Variants in SLC17A5 observed in about 807,000 individuals in gnomAD.
The protein encoded by SLC17A5 is solute carrier family 17 member 5, also known as sialin.
Under a neutral mutation model 59.4 loss-of-function variants are expected in SLC17A5, and 47 were observed. That is an observed-to-expected ratio of 0.79 (90% CI 0.63 to 1.01). SLC17A5 has a LOEUF of 1.01. SLC17A5 is among the 50% of genes least tolerant of loss of function. SLC17A5 has a pLI of 0.00. For synonymous variants in SLC17A5, 202 were observed against 210.7 expected, an observed-to-expected ratio of 0.96 and a Z score of 0.36; for missense variants, 522 against 595.5, an observed-to-expected ratio of 0.88 and a Z score of 1.28.
intron 1 of SLC17A5, among the ~76,000 whole-genome samples, chr6:73,645,858 G>A (rs1357724344): frequency 6.6e-6 from 1 of 151,616 alleles, no homozygotes; most frequent in Non-Finnish European, 1.5e-5. Flanking sequence ...TCATGTGAGA[G>A]GAGGAGTTTG....
At chr6:73,601,067 T>C (rs1270462092) in intron 9 of SLC17A5, among the ~76,000 whole-genome samples, 1 of 148,478 alleles carries the variant, frequency 6.7e-6, no homozygotes, top group Non-Finnish European at 1.5e-5. Flanking sequence ...GGAGCGTCTC[T>C]GCCCGGCCGC....
At chr6:73,625,314 G>T (rs1768355171) in intron 6 of SLC17A5, among the ~76,000 whole-genome samples, 1 of 152,028 alleles carries the variant, frequency 6.6e-6, no homozygotes, top group South Asian at 2.1e-4. Context: ...AGCCTCCCGA[G>T]TAGCTGGGAT....
chr6:73,645,547 G>A (rs1769499490), intron 1 of SLC17A5: 1 of 948,196 alleles, frequency 1.1e-6, no homozygotes, highest in African/African-American at 1.8e-5. Flanking sequence ...AGCACTTTGG[G>A]AAGCCGAGGC....
At chr6:73,603,084 ATGT>A (rs1362284918) in intron 9 of SLC17A5, among the ~76,000 whole-genome samples, 1 of 152,142 alleles carries the variant, frequency 6.6e-6, no homozygotes, top group Non-Finnish European at 1.5e-5. Context: ...TATTTCTAGT[ATGT>A]TATTATAGAC....
At chr6:73,622,283 T>C (rs983484725) in intron 6 of SLC17A5, among the ~76,000 whole-genome samples, 1 of 149,974 alleles carries the variant, frequency 6.7e-6, no homozygotes, top group Admixed American at 6.7e-5. Flanking sequence ...CATTGATTTA[T>C]CTATTTCTTT....
At chr6:73,636,368 T>G (rs1342750288) in intron 5 of SLC17A5, among the ~76,000 whole-genome samples, 1 of 108,450 alleles carries the variant, frequency 9.2e-6, no homozygotes, top group East Asian at 2.8e-4. Context: ...AAGATAGTGA[T>G]TTTTTGATAG....
At chr6:73,596,977 ATGGCGAGACCC>A (rs1402827155) in intron 10 of SLC17A5, among the ~76,000 whole-genome samples, 1 of 150,648 alleles carries the variant, frequency 6.6e-6, no homozygotes, top group African/African-American at 2.4e-5. Context: ...CCTGGCCAAC[ATGGCGAGACCC>A]TGTCCCTACT....
At chr6:73,607,088 A>C (rs1330648833) in intron 9 of SLC17A5, among the ~76,000 whole-genome samples, 1 of 152,202 alleles carries the variant, frequency 6.6e-6, no homozygotes, top group East Asian at 1.9e-4. Context: ...GACCCTGGTC[A>C]CCACACCTGA....
chr6:73,595,384 C>T (rs977788391), intron 10 of SLC17A5, among the ~76,000 whole-genome samples, 170 bp from the exon 11 acceptor site: 4 of 152,170 alleles, frequency 2.6e-5, no homozygotes, highest in South Asian at 4.1e-4. Flanking sequence ...ATTTGTTCAA[C>T]GTAATACAAT....
At chr6:73,607,887 C>T (rs1767468636) in intron 9 of SLC17A5, among the ~76,000 whole-genome samples, 1 of 151,378 alleles carries the variant, frequency 6.6e-6, no homozygotes, top group African/African-American at 2.4e-5. Context: ...AGCGATTCTC[C>T]TGCCTCAGCC....
intron 6 of SLC17A5, among the ~76,000 whole-genome samples, chr6:73,630,000 T>C (rs1040541110): frequency 1.8e-5 from 2 of 108,412 alleles, no homozygotes; most frequent in Non-Finnish European, 3.4e-5. Context: ...TTCTCTATTT[T>C]TTTTTTTTTT....
chr6:73,635,674 TTCTC>T (rs902410744), intron 5 of SLC17A5, among the ~76,000 whole-genome samples, 174 bp from the exon 6 acceptor site: 29 of 152,346 alleles, frequency 1.9e-4, no homozygotes, highest in African/African-American at 6.3e-4. Flanking sequence ...AATTTCAAGT[TTCTC>T]TCAATTCTTT....
intron 1 of SLC17A5, chr6:73,653,571 G>A: frequency 1.2e-6 from 1 of 817,360 alleles, no homozygotes; most frequent in Non-Finnish European, 1.5e-6. Flanking sequence ...TCGGCTCCGC[G>A]ATCACGGTCG....
intron 7 of SLC17A5, among the ~76,000 whole-genome samples, chr6:73,617,619 A>G (rs1741888): frequency 0.16 from 24,657 of 151,450 alleles, 3,061 homozygotes; most frequent in African/African-American, 0.34. Context: ...CAAGGCAGGC[A>G]GATCACCTGA....
chr6:73,606,331 C>T (rs998112058), intron 9 of SLC17A5, among the ~76,000 whole-genome samples: 6 of 152,160 alleles, frequency 3.9e-5, no homozygotes, highest in Admixed American at 3.3e-4. Flanking sequence ...GCATGAGCCA[C>T]CTCACCGGGC....
intron 6 of SLC17A5, among the ~76,000 whole-genome samples, chr6:73,622,298 CTTTT>C (rs1189610313): frequency 8.6e-6 from 1 of 116,776 alleles, no homozygotes; most frequent in East Asian, 2.9e-4. Flanking sequence ...TTCTTTCTTT[CTTTT>C]TTTTTTTTTT....
intron 4 of SLC17A5, 144 bp downstream of exon 4, chr6:73,638,268 A>G (rs530353420): frequency 1.5e-6 from 1 of 660,224 alleles, no homozygotes; most frequent in African/African-American, 1.8e-5. Flanking sequence ...AAAATTGGTA[A>G]TAAAGTTATA....
At chr6:73,597,962 T>G (rs382041) in intron 10 of SLC17A5, among the ~76,000 whole-genome samples, 59,516 of 151,672 alleles carry the variant, frequency 0.39, 12,080 homozygotes, top group African/African-American at 0.48. Flanking sequence ...GATGAGTGCA[T>G]TTTAATGAAA....
At chr6:73,635,567 A>C in intron 5 of SLC17A5, 67 bp from the exon 6 acceptor site, 1 of 804,360 alleles carries the variant, frequency 1.2e-6, no homozygotes, top group Middle Eastern at 3.5e-4. Flanking sequence ...AACAAAACAA[A>C]AACACAAAAT....
Sources: allele counts gnomAD v4.1 joint callset (sites outside exome capture counted in the v4.1 genomes callset), GRCh38; gene constraint gnomAD v4.1.1; transcripts MANE v1.5; gene names NCBI Gene and HGNC (gene_info 2026-07-23, HGNC 2026-07-21).